NUFIP1: variants seen among roughly 807,000 people sequenced by gnomAD.
The protein encoded by NUFIP1 is FMR1-interacting protein NUFIP1.
A neutral mutation model predicts 56.2 loss-of-function variants in NUFIP1; 38 were observed. That is an observed-to-expected ratio of 0.68 (90% CI 0.52 to 0.89). The LOEUF is 0.89. NUFIP1 is among the 40% of genes least tolerant of loss of function. NUFIP1 has a pLI of 0.00. For synonymous variants in NUFIP1, 215 were observed against 212.4 expected (o/e 1.01, Z -0.10); for missense variants, 567 against 605.8 (o/e 0.94, Z 0.67).
rs756622302 is a variant in NUFIP1, at chr13:44,971,870, C to T, written c.735-5934G>A. On this transcript the variant is annotated intron_variant, in intron 5 of 9. Coordinates refer to ENST00000379161, the MANE Select transcript of NUFIP1 (RefSeq NM_012345.3). ...CTCCGGTGCAACAAGAGACAGCCTA[C>T]GTCCATGGTACTGTCATGCAGCAAC... Among the ~76,000 whole-genome samples the T allele has an allele frequency of 1.0e-3, 152 of 152,194 alleles. 2 individuals are homozygous for T. The highest frequency in any genetic ancestry group is 1.8e-3 in the Non-Finnish European group (120 of 68,020).
rs770281845 is a variant in NUFIP1, at chr13:44,979,906, T to C, written c.641A>G (p.Gln214Arg). 6.2e-7 allele frequency: 1 copy of C among 1,602,138 alleles called. No homozygotes were observed. Among genetic ancestry groups the C allele is most frequent in the Admixed American group, 1.8e-5 (1 of 56,964 alleles). ...CSFTAHEKIV[Q>R]FHWRNMHAPG... ...AGAACTTACATTTCTCCAATGGAACTGGACAATCTTCTCGTGTGCAGTAAA... is the reference window on the plus strand; with the variant it reads ...AGAACTTACATTTCTCCAATGGAACCGGACAATCTTCTCGTGTGCAGTAAA... The change falls in exon 4 of 10, where the codon CAG becomes CGG. Residue 214 changes from glutamine to arginine, a missense_variant. By Grantham distance (43) the Gln-to-Arg change is conservative. Coordinates refer to ENST00000379161, the MANE Select transcript of NUFIP1 (RefSeq NM_012345.3).
chr13:44,953,692 G>C (rs1038483605), intron 7 of NUFIP1, among the ~76,000 whole-genome samples: 2 of 152,002 alleles, frequency 1.3e-5, no homozygotes, highest in South Asian at 4.2e-4. Context: ...AGATGCTCTA[G>C]GTTCAGCTTA....
intron 1 of NUFIP1, among the ~76,000 whole-genome samples, chr13:44,982,913 T>C (rs1030310025): frequency 6.6e-6 from 1 of 152,068 alleles, no homozygotes; most frequent in African/African-American, 2.4e-5. Flanking sequence ...GAGGCTGAGG[T>C]GGGAGGATCA....
intron 6 of NUFIP1, among the ~76,000 whole-genome samples, chr13:44,959,807 C>T (rs1018512281): frequency 6.6e-6 from 1 of 152,126 alleles, no homozygotes; most frequent in African/African-American, 2.4e-5. Flanking sequence ...CTTGATTCTA[C>T]GCTGCAAATT....
chr13:44,942,623 T>C (rs1870778426), intron 9 of NUFIP1, among the ~76,000 whole-genome samples: 1 of 152,192 alleles, frequency 6.6e-6, no homozygotes, highest in East Asian at 1.9e-4. Flanking sequence ...CTAAAAAATG[T>C]AAAATACTTC....
chr13:44,957,689 G>C (rs1358282222), intron 7 of NUFIP1, among the ~76,000 whole-genome samples: 1 of 151,880 alleles, frequency 6.6e-6, no homozygotes. Context: ...AGTATATACT[G>C]AAATACTTTT....
intron 5 of NUFIP1, among the ~76,000 whole-genome samples, chr13:44,969,671 C>T (rs1871737097): frequency 6.6e-6 from 1 of 152,172 alleles, no homozygotes; most frequent in South Asian, 2.1e-4. Context: ...CTCTTCTTCA[C>T]CTTCCTCATT....
At chr13:44,958,307 T>G (rs951040217) in intron 7 of NUFIP1, among the ~76,000 whole-genome samples, 6 of 152,218 alleles carry the variant, frequency 3.9e-5, no homozygotes, top group Non-Finnish European at 8.8e-5. Flanking sequence ...ATACTTAGTC[T>G]CTATGTTCCT....
intron 1 of NUFIP1, among the ~76,000 whole-genome samples, chr13:44,984,775 T>A (rs898929008): frequency 4.6e-5 from 7 of 152,186 alleles, no homozygotes; most frequent in African/African-American, 1.7e-4. Context: ...TAGTTACATA[T>A]GTATACATGT....
chr13:44,943,343 T>G (rs1870806214), intron 9 of NUFIP1, 99 bp downstream of exon 9: 1 of 1,058,676 alleles, frequency 9.4e-7, no homozygotes, highest in Non-Finnish European at 1.4e-6. Context: ...TCTGGTAACC[T>G]TAAAACAAAC....
At chr13:44,944,122 A>G (rs1456539038) in intron 8 of NUFIP1, among the ~76,000 whole-genome samples, 1 of 152,240 alleles carries the variant, frequency 6.6e-6, no homozygotes, top group Non-Finnish European at 1.5e-5. Context: ...GGCAGAAGGA[A>G]TATGTAAGTA....
At chr13:44,968,605 A>G (rs549173015) in intron 5 of NUFIP1, among the ~76,000 whole-genome samples, 1 of 152,362 alleles carries the variant, frequency 6.6e-6, no homozygotes, top group Admixed American at 6.5e-5. Context: ...CAGAAGTAGA[A>G]ATGAGAAAAA....
At chr13:44,956,981 A>G (rs374023611) in intron 7 of NUFIP1, among the ~76,000 whole-genome samples, 19 of 152,304 alleles carry the variant, frequency 1.2e-4, no homozygotes, top group South Asian at 8.3e-4. Flanking sequence ...TTAAGCTACC[A>G]TAATTTGATC....
rs368000848 is a variant in NUFIP1 at position 44,989,412 on chromosome 13, C to G, written c.25G>C (p.Glu9Gln). The change falls in exon 1 of 10, where the codon GAG (glutamate) becomes CAG (glutamine). Residue 9 changes from glutamate to glutamine, a missense_variant. Glu to Gln is a conservative substitution (Grantham distance 29). Transcript: ENST00000379161. The stretch of plus-strand genomic sequence containing the variant: ...GACGCATGCCACCCGATAGGAGTCT[C>G]GAAATCACTAGTCGGCTCAGCCATA... MAEPTSDF[E>Q]TPIGWHASPE... is the part of the protein sequence containing the mutation. 5 of 1,613,546 alleles carry G rather than the reference C, an allele frequency of 3.1e-6. No individual in the cohort carries two copies. The Admixed American group carries it at 5.0e-5, about 16-fold the overall frequency.
Position 44,959,517 on chromosome 13 carries a change from C to T in NUFIP1, c.885G>A (p.Lys295=), listed in dbSNP as rs766503002. Residue 295 remains lysine, a synonymous_variant, in exon 7 of 10, where the codon AAG becomes AAA. Coordinates refer to ENST00000379161, the MANE Select transcript of NUFIP1 (RefSeq NM_012345.3). ...SQMAKIRSPG[K]NHKWKNDNSR... ...AATTGTCGTTTTTCCATTTGTGATT[C>T]TTGCCAGGACTTCTGATCTTTGCCA... The T allele has an allele frequency of 2.2e-5, 35 of 1,613,886 alleles. No individual in the cohort carries two copies. The highest frequency in any genetic ancestry group is 2.9e-5 in the Non-Finnish European group (34 of 1,179,976).
chr13:44,982,794 G>T (rs1057000038), intron 1 of NUFIP1, among the ~76,000 whole-genome samples: 8 of 152,018 alleles, frequency 5.3e-5, no homozygotes, highest in Non-Finnish European at 7.4e-5. Context: ...ACTACTCAAG[G>T]CCAGGAGTTC....
At chr13:44,963,485 T>C (rs560147904) in intron 6 of NUFIP1, among the ~76,000 whole-genome samples, 1 of 152,342 alleles carries the variant, frequency 6.6e-6, no homozygotes, top group South Asian at 2.1e-4. Context: ...TGATCACTAT[T>C]GCACCATTAA....
chr13:44,949,135 T>C (rs547412619), intron 8 of NUFIP1, among the ~76,000 whole-genome samples: 6 of 152,208 alleles, frequency 3.9e-5, no homozygotes, highest in African/African-American at 1.4e-4. Flanking sequence ...CCATTTCGTT[T>C]AGAATTTTCT....
chr13:44,985,966 T>G (rs967796741), intron 1 of NUFIP1, among the ~76,000 whole-genome samples: 1 of 152,168 alleles, frequency 6.6e-6, no homozygotes, highest in African/African-American at 2.4e-5. Flanking sequence ...AAGTTGTGAA[T>G]GCAACTACTG....
Sources: allele counts gnomAD v4.1 joint callset (sites outside exome capture counted in the v4.1 genomes callset), GRCh38; gene constraint gnomAD v4.1.1; transcripts MANE v1.5; gene names NCBI Gene and HGNC (gene_info 2026-07-23, HGNC 2026-07-21).